Variants in QSOX2 observed in about 807,000 individuals in gnomAD.
QSOX2 encodes sulfhydryl oxidase 2.
In QSOX2, 46 loss-of-function variants were observed where a neutral mutation model predicts 61.7. The ratio of observed to expected loss-of-function variants is 0.75; its 90% CI spans 0.59 to 0.95. QSOX2 has a LOEUF of 0.95. Among genes scored for constraint, QSOX2 ranks in the 40% least tolerant of loss-of-function variants. The pLI is 0.00. For synonymous variants in QSOX2, 383 were observed against 388.4 expected (o/e 0.99, Z 0.16); for missense variants, 879 against 918.9 (o/e 0.96, Z 0.56).
chr9:136,238,335 C>T (rs1027694496), intron 1 of QSOX2, among the ~76,000 whole-genome samples: 2 of 152,368 alleles, frequency 1.3e-5, no homozygotes, highest in African/African-American at 4.8e-5. Context: ...GCGTGCCCAC[C>T]TCCCTGCACC....
In QSOX2 at chr9:136,215,305, C is replaced by G. The variant is rs1831895847; in HGVS notation, c.1210-1G>C. On this transcript the variant is annotated splice_acceptor_variant, in intron 9 of 11. Transcript: ENST00000358701. LOFTEE classifies it high-confidence loss of function. ...GATTAGTAAGGAATATTCCAGAAAT[C>G]TGAAAAACAAACAAACAAAAAAACC... The G allele has an allele frequency of 6.2e-7, 1 of 1,601,648 alleles. No individual in the cohort carries two copies. The highest frequency in any genetic ancestry group is 1.4e-5 in the African/African-American group (1 of 73,980).
intron 7 of QSOX2, 38 bp downstream of exon 7, chr9:136,218,992 A>G (rs928915273): frequency 2.2e-5 from 35 of 1,610,506 alleles, no homozygotes; most frequent in Non-Finnish European, 2.9e-5. Context: ...GTCTACACGC[A>G]CTGTCTCCGG....
chr9:136,238,979 C>G (rs746480979), intron 1 of QSOX2, among the ~76,000 whole-genome samples: 5 of 152,166 alleles, frequency 3.3e-5, no homozygotes, highest in Non-Finnish European at 7.3e-5. Flanking sequence ...ACGAAGAGAC[C>G]GATCTCTAAA....
chr9:136,215,086 C>G (rs1831892085), intron 10 of QSOX2, 68 bp downstream of exon 10: 1 of 1,563,254 alleles, frequency 6.4e-7, no homozygotes, highest in Non-Finnish European at 8.7e-7. Flanking sequence ...CATGCCTTTG[C>G]ACACACCGGC....
In QSOX2 at chr9:136,211,406, G is replaced by A. The variant is rs34757718; in HGVS notation, c.1407C>T (p.Tyr469=). Residue 469 remains tyrosine, a synonymous_variant, in exon 11 of 12, where the codon TAC becomes TAT. Transcript: ENST00000358701. ...PQAVLQTMRR[Y]VHTFFGCKEC... Reference sequence around the variant, plus strand: ...CCTTACACCCAAAGAAGGTGTGAACGTACCTCCTCATTGTCTGCAGCACAG... The same window carrying A: ...CCTTACACCCAAAGAAGGTGTGAACATACCTCCTCATTGTCTGCAGCACAG... 1,729 of 1,614,154 alleles carry A rather than the reference G, an allele frequency of 1.1e-3. 14 individuals carry two copies. The African/African-American group carries it at 0.02, about 18-fold the overall frequency.
At chr9:136,239,994 TCTC>T (rs1474277595) in intron 1 of QSOX2, among the ~76,000 whole-genome samples, 3 of 152,224 alleles carry the variant, frequency 2.0e-5, no homozygotes, top group Admixed American at 2.0e-4. Flanking sequence ...ACCCTCCCCT[TCTC>T]CTGCTCTGCC....
At chr9:136,232,990 C>T (rs900429228) in intron 1 of QSOX2, among the ~76,000 whole-genome samples, 7 of 146,610 alleles carry the variant, frequency 4.8e-5, no homozygotes, top group Non-Finnish European at 7.5e-5. Flanking sequence ...TCTGCCTGAA[C>T]AGGTATTTTT....
In QSOX2 at chr9:136,210,446, T is replaced by C. The variant is rs942893472; in HGVS notation, c.1549+818A>G. 33 of 985,244 alleles carry C rather than the reference T, an allele frequency of 3.3e-5. No homozygotes were observed. In the Middle Eastern group the frequency reaches 2.1e-3, roughly 62 times the overall value. 61.0% of individuals were successfully genotyped at this position (985,244 alleles called of 1,614,324 possible). On this transcript the variant is annotated intron_variant, in intron 11 of 11. Transcript: ENST00000358701. ...CAGGCAGGCCTGGCGAGGGTCCTGGTCCCACTGCCTCAGAGCCGAGGGCTC... is the reference window on the plus strand; with the variant it reads ...CAGGCAGGCCTGGCGAGGGTCCTGGCCCCACTGCCTCAGAGCCGAGGGCTC...
In QSOX2 at chr9:136,218,679, C is replaced by T. The variant is rs779108665; in HGVS notation, c.1086G>A (p.Lys362=). Reference sequence around the variant, plus strand: ...AGCCCAGACCAGCACCGTCCCAAACCTTGGCCAAGACAGTCACAAAGTCCT... The same window carrying T: ...AGCCCAGACCAGCACCGTCCCAAACTTTGGCCAAGACAGTCACAAAGTCCT... ...TLKDFVTVLA[K]LFPGRPPVKK... is the part of the protein sequence containing the mutation. The change falls in exon 8 of 12, where the codon AAG becomes AAA. Residue 362 remains lysine, a splice_region_variant and synonymous_variant. Coordinates refer to ENST00000358701, the MANE Select transcript of QSOX2 (RefSeq NM_181701.4). 1 of 1,613,414 alleles carries T rather than the reference C, an allele frequency of 6.2e-7. No homozygotes were observed. Among genetic ancestry groups the T allele is most frequent in the Non-Finnish European group, 8.5e-7 (1 of 1,179,754 alleles).
At chr9:136,245,146 G>C (rs782449913) in intron 1 of QSOX2, among the ~76,000 whole-genome samples, 4 of 152,176 alleles carry the variant, frequency 2.6e-5, no homozygotes, top group Non-Finnish European at 5.9e-5. Context: ...TATTTTGAGA[G>C]CTGGGATACG....
intron 1 of QSOX2, among the ~76,000 whole-genome samples, 165 bp downstream of exon 1, chr9:136,245,311 G>A (rs777614857): frequency 1.3e-5 from 2 of 152,004 alleles, no homozygotes. Context: ...GAAAGGCCAG[G>A]GTTGGTCCGA....
At chr9:136,233,367 A>G (rs983461028) in intron 1 of QSOX2, among the ~76,000 whole-genome samples, 4 of 152,202 alleles carry the variant, frequency 2.6e-5, no homozygotes, top group African/African-American at 9.6e-5. Flanking sequence ...AGGCTTCATC[A>G]GTCTACCTGC....
chr9:136,217,186 C>T (rs1831924257), intron 8 of QSOX2, among the ~76,000 whole-genome samples: 2 of 152,258 alleles, frequency 1.3e-5, no homozygotes, highest in South Asian at 4.1e-4. Context: ...CGCCGGCAGC[C>T]GGGGCTAACT....
At chr9:136,235,891 A>C (rs1011652005) in intron 1 of QSOX2, among the ~76,000 whole-genome samples, 1 of 152,018 alleles carries the variant, frequency 6.6e-6, no homozygotes, top group South Asian at 2.1e-4. Context: ...CTCTATGAAC[A>C]TTTTCATCAG....
chr9:136,229,933 G>A (rs1448899297), intron 1 of QSOX2, among the ~76,000 whole-genome samples: 1 of 152,228 alleles, frequency 6.6e-6, no homozygotes, highest in Non-Finnish European at 1.5e-5. Context: ...CGGCACCTCA[G>A]GTGAAGGCCG....
chr9:136,210,332 G>C, intron 11 of QSOX2: 1 of 985,484 alleles, frequency 1.0e-6, no homozygotes, highest in Non-Finnish European at 1.2e-6. Flanking sequence ...ACACTGGGCT[G>C]TAAGGCCCCT....
chr9:136,236,498 C>T lies in QSOX2; in HGVS notation c.328+8978G>A, dbSNP rs552442308. ...GGCCAATCTGAGGCTTTCCTCACGA[C>T]AGCAGAAGAGCCAGCGCTGCAGCAT... On this transcript the variant is annotated intron_variant, in intron 1 of 11. Coordinates refer to ENST00000358701, the MANE Select transcript of QSOX2 (RefSeq NM_181701.4). Among the ~76,000 whole-genome samples, 45 of 152,372 alleles carry T rather than the reference C, an allele frequency of 3.0e-4. 1 individual carries two copies. Among genetic ancestry groups the T allele is most frequent in the African/African-American group, 9.6e-4 (40 of 41,588 alleles).
At chr9:136,239,870 C>T (rs765566715) in intron 1 of QSOX2, among the ~76,000 whole-genome samples, 1 of 152,232 alleles carries the variant, frequency 6.6e-6, no homozygotes, top group Non-Finnish European at 1.5e-5. Context: ...GGCAAGGACT[C>T]GGCAGATGGA....
intron 6 of QSOX2, among the ~76,000 whole-genome samples, chr9:136,219,650 G>A (rs1029375546): frequency 1.3e-5 from 2 of 152,126 alleles, no homozygotes; most frequent in African/African-American, 4.8e-5. Context: ...GGGTGGAGCT[G>A]AGCCCCCTGT....
Sources: gnomAD v4.1 joint callset for allele counts (sites outside exome capture counted in the v4.1 genomes callset) on GRCh38, gnomAD v4.1.1 for gene constraint, MANE v1.5 for transcripts, NCBI Gene and HGNC (gene_info 2026-07-23, HGNC 2026-07-21) for gene names.